Variants in NEBL observed in about 807,000 individuals in gnomAD.
NEBL encodes the protein nebulette.
A neutral mutation model predicts 140.2 loss-of-function variants in NEBL; 122 were observed. That is an observed-to-expected ratio of 0.87 (90% confidence interval 0.75 to 1.01). The LOEUF (loss-of-function observed/expected upper bound fraction) is 1.01. NEBL is among the 50% of genes least tolerant of loss of function. The pLI is 0.00. For missense variants in NEBL, 1,365 were observed against 1,231.3 expected (o/e 1.11, Z -1.62); for synonymous variants, 436 against 398.9 (o/e 1.09, Z -1.11).
chr10:21,135,653 C>G (rs1260914510), intron 2 of NEBL, among the ~76,000 whole-genome samples: 1 of 152,278 alleles, frequency 6.6e-6, no homozygotes, highest in East Asian at 1.9e-4. Flanking sequence ...GAGTGATTCC[C>G]CCGGCCTGGG....
intron 2 of NEBL, among the ~76,000 whole-genome samples, chr10:21,089,394 G>C (rs1428487145): frequency 1.3e-5 from 2 of 152,122 alleles, no homozygotes; most frequent in African/African-American, 4.8e-5. Flanking sequence ...CTCCAAGACT[G>C]CGTTGGAACA....
rs1215187633 is a variant in NEBL at position 20,781,557 on chromosome 10, A to G, written c.*4190T>C. On this transcript the variant is annotated 3_prime_UTR_variant, in exon 28 of 28. Transcript: ENST00000377122. The stretch of plus-strand genomic sequence containing the variant: ...AGCAACTGGATTACAAAGAAGTGAT[A>G]CTATGCAAACTGGATACCATGTATC... 6.6e-6 allele frequency: 1 copy of G among 152,234 alleles called. No homozygotes were observed. Among genetic ancestry groups the G allele is most frequent in the Non-Finnish European group, 1.5e-5 (1 of 68,032 alleles). 9.4% of individuals were successfully genotyped at this position (152,234 alleles called of 1,614,324 possible).
intron 4 of NEBL, among the ~76,000 whole-genome samples, chr10:20,916,033 C>T (rs776360336): frequency 1.3e-5 from 2 of 152,120 alleles, no homozygotes; most frequent in African/African-American, 2.4e-5. Flanking sequence ...TACGATAAAC[C>T]GTTATTAACT....
At chr10:21,233,966 G>T (rs12261699) in intron 3 of NEBL, among the ~76,000 whole-genome samples, 1,683 of 141,688 alleles carry the variant, frequency 0.012, 33 homozygotes, top group African/African-American at 0.04. Context: ...TAGTATAGAT[G>T]CATCCTTCCT....
chr10:21,066,947 C>T (rs922252496), intron 2 of NEBL, among the ~76,000 whole-genome samples: 19 of 148,516 alleles, frequency 1.3e-4, no homozygotes, highest in African/African-American at 3.9e-4. Context: ...TGCTTAAAGA[C>T]CTTTGTTTCC....
intron 3 of NEBL, among the ~76,000 whole-genome samples, chr10:21,225,417 G>A (rs1842131737): frequency 6.6e-6 from 1 of 151,972 alleles, no homozygotes. Flanking sequence ...AAGGACCTAG[G>A]GCTCTACAAT....
chr10:21,142,998 G>GGT (rs147399252), intron 2 of NEBL, among the ~76,000 whole-genome samples: 4 of 151,288 alleles, frequency 2.6e-5, no homozygotes, highest in East Asian at 1.9e-4. Context: ...GTGTGTGTGG[G>GGT]GTGTGTGTGT....
chr10:21,228,300 A>C lies in NEBL; in HGVS notation n.348+19621T>G, dbSNP rs149601350. Among the ~76,000 whole-genome samples the C allele has an allele frequency of 1.1e-3, 164 of 152,136 alleles. 2 individuals carry two copies. The highest frequency in any genetic ancestry group is 3.8e-3 in the African/African-American group (158 of 41,514). Reference sequence around the variant, plus strand: ...TCCAGAGTAGCTGGGACTACAGGTAAAAACCACCACACCCAGGTCATTTTT... The same window carrying C: ...TCCAGAGTAGCTGGGACTACAGGTACAAACCACCACACCCAGGTCATTTTT... On this transcript the variant is annotated intron_variant and non_coding_transcript_variant, in intron 3 of 8. Coordinates refer to the NEBL transcript ENST00000675702.
chr10:21,051,798 T>C (rs1834791156), intron 2 of NEBL, among the ~76,000 whole-genome samples: 1 of 152,232 alleles, frequency 6.6e-6, no homozygotes, highest in African/African-American at 2.4e-5. Flanking sequence ...TGAGATATGA[T>C]TGAAACTTAA....
intron 3 of NEBL, among the ~76,000 whole-genome samples, chr10:20,986,722 A>G (rs568002665): frequency 6.6e-6 from 1 of 152,364 alleles, no homozygotes; most frequent in Non-Finnish European, 1.5e-5. Context: ...TAAATAAATG[A>G]CAGAGAAACT....
intron 2 of NEBL, among the ~76,000 whole-genome samples, chr10:21,050,703 T>C (rs1421663651): frequency 6.6e-6 from 1 of 152,156 alleles, no homozygotes; most frequent in Non-Finnish European, 1.5e-5. Context: ...ATGAGAAGAT[T>C]TCAATAAATA....
At chr10:20,985,844 G>A (rs1423842968) in intron 3 of NEBL, among the ~76,000 whole-genome samples, 1 of 152,046 alleles carries the variant, frequency 6.6e-6, no homozygotes, top group African/African-American at 2.4e-5. Context: ...GGACCAGCAG[G>A]AAAATAAAAA....
chr10:21,174,704 C>A (rs1016132348), upstream of NEBL: 5 of 152,208 alleles, frequency 3.3e-5, no homozygotes, highest in Admixed American at 3.3e-4. Context: ...CCAGAGGGGC[C>A]GAGGGTTGCA....
At chr10:20,914,140 T>C (rs995929089) in intron 4 of NEBL, among the ~76,000 whole-genome samples, 4 of 152,170 alleles carry the variant, frequency 2.6e-5, no homozygotes, top group African/African-American at 7.2e-5. Context: ...CACTGGTCAT[T>C]TGGTGACCAA....
intron 4 of NEBL, among the ~76,000 whole-genome samples, chr10:20,886,878 A>G (rs1846569154): frequency 6.6e-6 from 1 of 152,228 alleles, no homozygotes; most frequent in African/African-American, 2.4e-5. Flanking sequence ...AAAAGGAAGC[A>G]TATCCTTAGA....
chr10:20,816,914 G>A (rs946748866), intron 21 of NEBL, among the ~76,000 whole-genome samples: 29 of 152,246 alleles, frequency 1.9e-4, no homozygotes, highest in Admixed American at 5.2e-4. Context: ...ATTGTGGGAA[G>A]TGGAAAGTGG....
At chr10:21,128,489 A>G (rs1341792784) in intron 2 of NEBL, among the ~76,000 whole-genome samples, 2 of 152,222 alleles carry the variant, frequency 1.3e-5, no homozygotes, top group Non-Finnish European at 2.9e-5. Flanking sequence ...CATAACCTTG[A>G]TTACTGTATC....
intron 2 of NEBL, among the ~76,000 whole-genome samples, chr10:21,039,915 G>C (rs1248083061): frequency 6.6e-6 from 1 of 152,172 alleles, no homozygotes. Context: ...TAACCATGAA[G>C]AATGGGAGGA....
At chr10:21,030,588 TG>T in intron 2 of NEBL, 1 of 642,816 alleles carries the variant, frequency 1.6e-6, no homozygotes, top group Non-Finnish European at 2.9e-6. Flanking sequence ...CTACAAGTGG[TG>T]GGGGAAAAGT....
Sources: allele counts gnomAD v4.1 joint callset (sites outside exome capture counted in the v4.1 genomes callset), GRCh38; gene constraint gnomAD v4.1.1; transcripts MANE v1.5; gene names NCBI Gene and HGNC (gene_info 2026-07-23, HGNC 2026-07-21).